PCGF6: variants seen among roughly 807,000 people sequenced by gnomAD.
The protein encoded by PCGF6 is polycomb group ring finger 6.
Under a neutral mutation model 45.5 loss-of-function variants are expected in PCGF6, and 24 were observed. The ratio of observed to expected loss-of-function variants is 0.53; its 90% CI spans 0.38 to 0.74. PCGF6 has a LOEUF of 0.74. PCGF6 is among the 30% of genes least tolerant of loss of function. PCGF6 has a pLI of 0.00. For missense variants in PCGF6, 356 were observed against 443.2 expected, an observed-to-expected ratio of 0.80 and a Z score of 1.77; for synonymous variants, 152 against 162.1, an observed-to-expected ratio of 0.94 and a Z score of 0.47.
intron 7 of PCGF6, among the ~76,000 whole-genome samples, chr10:103,327,673 TTTC>T (rs2093224016): frequency 1.3e-5 from 2 of 151,958 alleles, no homozygotes; most frequent in South Asian, 2.1e-4. Flanking sequence ...TTCTTTTTTT[TTTC>T]TTTTCTTTTC....
Position 103,326,535 on chromosome 10 carries a change from T to G in PCGF6, c.908A>C (p.Gln303Pro), listed in dbSNP as rs1052389185. ...TTCTTTTACATATATGTACTGTACC[T>G]GACAAGCTGGATCAAGACCCATTTT... ...RRKMGLDPAC[Q>P]VDIICGDHLL... Residue 303 changes from glutamine to proline, a missense_variant and splice_region_variant, in exon 8 of 10, where the codon CAG becomes CCG. Physicochemically the swap from Gln to Pro is moderately conservative, Grantham distance 76 (BLOSUM62 -1). Coordinates refer to ENST00000369847, the MANE Select transcript of PCGF6 (RefSeq NM_001011663.2). The G allele has an allele frequency of 1.9e-6, 3 of 1,605,834 alleles. No homozygotes were observed. Among genetic ancestry groups the G allele is most frequent in the Non-Finnish European group, 2.6e-6 (3 of 1,175,624 alleles).
intron 6 of PCGF6, among the ~76,000 whole-genome samples, chr10:103,340,117 C>A (rs2093274798): frequency 7.2e-6 from 1 of 139,554 alleles, no homozygotes; most frequent in South Asian, 2.2e-4. Flanking sequence ...GCAGAGGCTG[C>A]AGTGAGCCGA....
At chr10:103,339,820 C>A (rs1388288769) in intron 6 of PCGF6, among the ~76,000 whole-genome samples, 888 of 55,590 alleles carry the variant, frequency 0.016, 43 homozygotes, top group African/African-American at 0.033. Context: ...AACACACACA[C>A]ACACACACAC....
intron 9 of PCGF6, among the ~76,000 whole-genome samples, chr10:103,308,465 C>A (rs1277767413): frequency 6.6e-6 from 1 of 151,210 alleles, no homozygotes; most frequent in Non-Finnish European, 1.5e-5. Flanking sequence ...GTGGTGTGAT[C>A]TCTGCTCACT....
chr10:103,325,184 A>T (rs184138065), intron 8 of PCGF6, among the ~76,000 whole-genome samples: 5 of 142,714 alleles, frequency 3.5e-5, no homozygotes, highest in Non-Finnish European at 7.8e-5. Context: ...AATAAAATAA[A>T]ATAATAGGGT....
At chr10:103,314,341 C>A in intron 8 of PCGF6, 69 bp from the exon 9 acceptor site, 2 of 919,968 alleles carry the variant, frequency 2.2e-6, no homozygotes, top group Non-Finnish European at 3.4e-6. Flanking sequence ...ATGAGGAAAA[C>A]AAATCAACAT....
chr10:103,336,253 AAAAT>A (rs1307012091), intron 6 of PCGF6, among the ~76,000 whole-genome samples: 4 of 151,696 alleles, frequency 2.6e-5, no homozygotes, highest in African/African-American at 9.7e-5. Flanking sequence ...AATTTAAAAA[AAAAT>A]AAATAAATAA....
intron 9 of PCGF6, among the ~76,000 whole-genome samples, chr10:103,308,285 C>T (rs1046493894): frequency 1.3e-5 from 2 of 152,166 alleles, no homozygotes; most frequent in African/African-American, 4.8e-5. Context: ...GTGAGAGAAG[C>T]CATGGGGGCC....
intron 8 of PCGF6, among the ~76,000 whole-genome samples, chr10:103,320,962 T>C (rs1204810392): frequency 6.6e-6 from 1 of 152,172 alleles, no homozygotes; most frequent in African/African-American, 2.4e-5. Context: ...CAATGTTTTG[T>C]TCATATTAGA....
chr10:103,327,409 T>C (rs564951449), intron 7 of PCGF6, among the ~76,000 whole-genome samples: 5 of 152,262 alleles, frequency 3.3e-5, no homozygotes, highest in African/African-American at 7.2e-5. Context: ...CCAATTACAA[T>C]GTATGGACCT....
chr10:103,336,249 A>T (rs907586715), intron 6 of PCGF6, among the ~76,000 whole-genome samples: 3 of 151,416 alleles, frequency 2.0e-5, no homozygotes, highest in African/African-American at 7.3e-5. Flanking sequence ...AAAAAATTTA[A>T]AAAAAAATAA....
intron 8 of PCGF6, among the ~76,000 whole-genome samples, chr10:103,324,759 C>CA (rs1189652042): frequency 0.01 from 410 of 40,486 alleles, 2 homozygotes; most frequent in Middle Eastern, 0.013. Flanking sequence ...GACTCCGCCT[C>CA]AAAAAAAAAA....
In PCGF6 at chr10:103,333,906, G is replaced by T. The variant is rs752692805; in HGVS notation, c.810+19C>A. 2 of 1,526,420 alleles carry T rather than the reference G, an allele frequency of 1.3e-6. No individual in the cohort carries two copies. The highest frequency in any genetic ancestry group is 1.3e-5 in the South Asian group (1 of 78,670). 94.6% of individuals were successfully genotyped at this position (1,526,420 alleles called of 1,614,324 possible). ...TACAGAGTCCTCTTGTGAAATGAAT[G>T]AAAAAAAAAGTAAAATACCTTAAAA... On this transcript the variant is annotated intron_variant, in intron 7 of 9. Coordinates refer to ENST00000369847, the MANE Select transcript of PCGF6 (RefSeq NM_001011663.2).
intron 9 of PCGF6, among the ~76,000 whole-genome samples, chr10:103,309,225 A>G (rs1027779495): frequency 6.6e-6 from 1 of 151,488 alleles, no homozygotes; most frequent in Non-Finnish European, 1.5e-5. Context: ...GGGTGGAATG[A>G]TATGGTTTGG....
At position 103,347,520 on chromosome 10, in the gene PCGF6, T is replaced by C. The variant is rs572116263; in HGVS notation, c.558-70A>G. The C allele has an allele frequency of 1.1e-5, 14 of 1,293,016 alleles. No homozygotes were observed. The Admixed American group carries it at 1.4e-4, about 13-fold the overall frequency. 80.1% of individuals were successfully genotyped at this position (1,293,016 alleles called of 1,614,324 possible). A position where few individuals can be genotyped will look rare whatever the true frequency, so the allele number is the denominator to read the frequency against. On this transcript the variant is annotated intron_variant, in intron 3 of 9. Transcript: ENST00000369847. ...TGCATTTTGGTACAGAGTGAGTTAA[T>C]TGTGTTTTCTCTTGAGAGTGGGTAT... is the stretch of plus-strand genomic sequence containing the variant.
intron 8 of PCGF6, among the ~76,000 whole-genome samples, chr10:103,319,452 T>C (rs1285828983): frequency 6.6e-6 from 1 of 152,090 alleles, no homozygotes; most frequent in Non-Finnish European, 1.5e-5. Context: ...GACCTGGCCA[T>C]ACATACTCTT....
At chr10:103,325,194 T>C (rs1244739700) in intron 8 of PCGF6, among the ~76,000 whole-genome samples, 2 of 144,718 alleles carry the variant, frequency 1.4e-5, no homozygotes, top group Admixed American at 6.7e-5. Flanking sequence ...AATAATAGGG[T>C]CCCTATTAGA....
At chr10:103,349,426 A>G (rs2093312325) in intron 1 of PCGF6, among the ~76,000 whole-genome samples, 2 of 151,360 alleles carry the variant, frequency 1.3e-5, no homozygotes, top group African/African-American at 4.9e-5. Flanking sequence ...CCATTAAAAG[A>G]CTACTGAAAG....
Position 103,326,535 on chromosome 10 carries a change from T to C in PCGF6, c.908A>G (p.Gln303Arg), listed in dbSNP as rs1052389185. The C allele has an allele frequency of 2.5e-6, 4 of 1,605,718 alleles. No individual in the cohort carries two copies. The highest frequency in any genetic ancestry group is 3.4e-6 in the Non-Finnish European group (4 of 1,175,634). The change falls in exon 8 of 10, where the codon CAG becomes CGG. Residue 303 changes from glutamine to arginine, a missense_variant and splice_region_variant. Physicochemically the swap from Gln to Arg is conservative, Grantham distance 43 (BLOSUM62 1). Around this residue, in one of 2 missense-constraint regions of PCGF6, gnomAD observed 49 missense variants for 93.0 expected, o/e 0.53. Coordinates refer to ENST00000369847, the MANE Select transcript of PCGF6 (RefSeq NM_001011663.2). ...TTCTTTTACATATATGTACTGTACC[T>C]GACAAGCTGGATCAAGACCCATTTT... ...RRKMGLDPAC[Q>R]VDIICGDHLL... is the part of the protein sequence containing the mutation.
Sources: allele counts gnomAD v4.1 joint callset (sites outside exome capture counted in the v4.1 genomes callset), GRCh38; gene constraint gnomAD v4.1.1; regional missense constraint gnomAD v4.1.1; transcripts MANE v1.5; gene names NCBI Gene and HGNC (gene_info 2026-07-23, HGNC 2026-07-21).